TRERF1: variants seen among roughly 807,000 people sequenced by gnomAD.
TRERF1 encodes transcriptional regulating factor 1.
Under a neutral mutation model 122.9 loss-of-function variants are expected in TRERF1, and 27 were observed. That is an observed-to-expected ratio of 0.22 (90% CI 0.16 to 0.30). TRERF1 has a LOEUF of 0.30. TRERF1 is among the 10% of genes least tolerant of loss of function. TRERF1 has a pLI of 1.00. For missense variants in TRERF1, 1,248 were observed against 1,560.3 expected (o/e 0.80, Z 3.37); for synonymous variants, 636 against 641.7 (o/e 0.99, Z 0.13).
At chr6:42,372,449 C>G (rs992399709) in intron 2 of TRERF1, among the ~76,000 whole-genome samples, 3 of 152,154 alleles carry the variant, frequency 2.0e-5, no homozygotes, top group East Asian at 3.9e-4. Flanking sequence ...GGCTTCCCCC[C>G]ACAGGACCAT....
intron 8 of TRERF1, among the ~76,000 whole-genome samples, chr6:42,262,783 A>G (rs1446015220): frequency 6.6e-6 from 1 of 152,210 alleles, no homozygotes; most frequent in Non-Finnish European, 1.5e-5. Flanking sequence ...AGGGTATTTA[A>G]GCAGACAAAA....
chr6:42,283,630 T>A (rs1327749170), intron 4 of TRERF1, among the ~76,000 whole-genome samples: 1 of 149,982 alleles, frequency 6.7e-6, no homozygotes, highest in Non-Finnish European at 1.5e-5. Flanking sequence ...TTTTTTTTTT[T>A]TTTGAGATGG....
chr6:42,373,229 G>A (rs1447530694), intron 2 of TRERF1, among the ~76,000 whole-genome samples: 3 of 152,238 alleles, frequency 2.0e-5, no homozygotes, highest in African/African-American at 7.2e-5. Flanking sequence ...GGCACATCCT[G>A]AGTCACCTAA....
chr6:42,351,274 T>A (rs1049309990), intron 3 of TRERF1, among the ~76,000 whole-genome samples: 1 of 152,164 alleles, frequency 6.6e-6, no homozygotes, highest in Non-Finnish European at 1.5e-5. Context: ...CCCAAGAATA[T>A]TCCCTGATGA....
intron 4 of TRERF1, among the ~76,000 whole-genome samples, chr6:42,281,138 G>T (rs921736009): frequency 6.6e-6 from 1 of 152,110 alleles, no homozygotes. Flanking sequence ...AACCTGTCTG[G>T]ACTTGCTCAA....
chr6:42,261,453 A>G (rs910561), intron 8 of TRERF1, among the ~76,000 whole-genome samples: 11,565 of 152,176 alleles, frequency 0.076, 981 homozygotes, highest in African/African-American at 0.2. Flanking sequence ...TTGAGAGGAA[A>G]CACTTACAGT....
intron 3 of TRERF1, among the ~76,000 whole-genome samples, chr6:42,334,091 A>ATG (rs1325464771): frequency 1.1e-4 from 16 of 152,048 alleles, no homozygotes; most frequent in South Asian, 2.1e-4. Flanking sequence ...GAATATATAT[A>ATG]TGTGTGTGTG....
intron 3 of TRERF1, among the ~76,000 whole-genome samples, chr6:42,317,281 G>T (rs1762654638): frequency 1.3e-5 from 2 of 152,060 alleles, no homozygotes; most frequent in South Asian, 4.1e-4. Flanking sequence ...TTTTGTCTGT[G>T]CAGGAGGAAG....
chr6:42,319,889 A>G (rs1285279805), intron 3 of TRERF1, among the ~76,000 whole-genome samples: 1 of 150,338 alleles, frequency 6.7e-6, no homozygotes, highest in African/African-American at 2.4e-5. Context: ...AATACATTAT[A>G]TCATTATTAT....
chr6:42,397,392 T>C (rs1778779667), intron 2 of TRERF1, among the ~76,000 whole-genome samples: 1 of 152,208 alleles, frequency 6.6e-6, no homozygotes, highest in East Asian at 1.9e-4. Context: ...GACAATATTA[T>C]ATCACTGATT....
chr6:42,310,468 T>C (rs1324860910), intron 3 of TRERF1, among the ~76,000 whole-genome samples: 2 of 152,338 alleles, frequency 1.3e-5, no homozygotes, highest in Non-Finnish European at 2.9e-5. Flanking sequence ...GGTGGAGCAG[T>C]AGTTCTCAAC....
At chr6:42,334,478 T>C (rs1765793838) in intron 3 of TRERF1, among the ~76,000 whole-genome samples, 1 of 152,240 alleles carries the variant, frequency 6.6e-6, no homozygotes, top group South Asian at 2.1e-4. Context: ...ATTGCTTGTA[T>C]AGGGCAAGTC....
intron 2 of TRERF1, among the ~76,000 whole-genome samples, chr6:42,378,100 C>T (rs939420442): frequency 2.0e-5 from 3 of 152,096 alleles, no homozygotes; most frequent in Non-Finnish European, 2.9e-5. Context: ...ACTATTACTG[C>T]TGTGTTATAA....
At chr6:42,404,131 G>A (rs1779839089) in intron 2 of TRERF1, among the ~76,000 whole-genome samples, 2 of 152,142 alleles carry the variant, frequency 1.3e-5, no homozygotes, top group Non-Finnish European at 2.9e-5. Context: ...TTTGCAGATG[G>A]TGCCCGACTC....
chr6:42,295,374 C>G (rs1440346511), intron 4 of TRERF1, among the ~76,000 whole-genome samples: 3 of 152,214 alleles, frequency 2.0e-5, no homozygotes, highest in African/African-American at 7.2e-5. Context: ...CCATGTTCAT[C>G]AGCTATGAGT....
rs148325036 is a variant in TRERF1 at position 42,263,341 on chromosome 6, C to T, written c.1863G>A (p.Ser621=). Residue 621 remains serine, a synonymous_variant, in exon 8 of 18, where the codon TCG becomes TCA. Transcript: ENST00000372922. The surrounding 1 kb of genome is among the most constrained non-coding windows in gnomAD (Gnocchi z 5.6). ...TCACGAGCACAGGCATCTCGTCGTC[C>T]GACATCGAGCTGGCTGGCTTGTCTC... The T allele has an allele frequency of 2.5e-5, 41 of 1,612,522 alleles. No homozygotes were observed. Among genetic ancestry groups the T allele is most frequent in the Admixed American group, 3.3e-5 (2 of 59,740 alleles).
intron 2 of TRERF1, among the ~76,000 whole-genome samples, chr6:42,373,044 T>C (rs1236698789): frequency 1.3e-5 from 2 of 152,210 alleles, no homozygotes; most frequent in African/African-American, 2.4e-5. Flanking sequence ...AGGGTACCCA[T>C]GCTATGGTTG....
At chr6:42,312,749 T>C (rs1407068044) in intron 3 of TRERF1, among the ~76,000 whole-genome samples, 1 of 152,124 alleles carries the variant, frequency 6.6e-6, no homozygotes. Context: ...ATTCATCGAC[T>C]CCACACACAT....
At chr6:42,226,636 G>A (rs1215145199) in exon 18 of TRERF1, 1 of 152,126 alleles carries the variant, frequency 6.6e-6, no homozygotes, top group African/African-American at 2.4e-5. Context: ...TTCTGTCCAT[G>A]GCTTTCCTGA....
Sources: allele counts gnomAD v4.1 joint callset (sites outside exome capture counted in the v4.1 genomes callset), GRCh38; gene constraint gnomAD v4.1.1; non-coding constraint Gnocchi (gnomAD v3.1); transcripts MANE v1.5; gene names NCBI Gene and HGNC (gene_info 2026-07-23, HGNC 2026-07-21).